Variants in IFT52 observed in about 807,000 individuals in gnomAD.
IFT52 encodes the protein intraflagellar transport protein 52 homolog.
A neutral mutation model predicts 54.4 loss-of-function variants in IFT52; 44 were observed. The ratio of observed to expected loss-of-function variants is 0.81; its 90% CI spans 0.63 to 1.04. The LOEUF (loss-of-function observed/expected upper bound fraction) is 1.04. Ranked by LOEUF, IFT52 falls within the 50% of genes least tolerant of loss-of-function variation. The pLI is 0.00. For missense variants in IFT52, 452 were observed against 523.6 expected, an observed-to-expected ratio of 0.86 and a Z score of 1.33; for synonymous variants, 181 against 185.3, an observed-to-expected ratio of 0.98 and a Z score of 0.19.
rs180969353 is a variant in IFT52, at chr20:43,642,146, A to G, written c.1121-333A>G. Reference sequence around the variant, plus strand: ...TTTTTAATTACCCATATGCTTCTCTATAGTCATCTTTGTTGCATTCAGGGA... The same window carrying G: ...TTTTTAATTACCCATATGCTTCTCTGTAGTCATCTTTGTTGCATTCAGGGA... On this transcript the variant is annotated intron_variant, in intron 12 of 13. Coordinates refer to ENST00000373030, the MANE Select transcript of IFT52 (RefSeq NM_016004.5). 3.8e-5 allele frequency: 8 copies of G among 212,100 alleles called. No homozygotes were observed. The East Asian group carries it at 4.7e-4, about 13-fold the overall frequency. The allele number at this position is 212,100 out of a possible 1,614,324, so 13.1% of individuals were successfully genotyped here.
chr20:43,604,035 C>A, intron 4 of IFT52, 146 bp downstream of exon 4: 1 of 919,070 alleles, frequency 1.1e-6, no homozygotes, highest in Non-Finnish European at 1.7e-6. Context: ...GCAGTCTGAG[C>A]CTCCTAGGCT....
intron 6 of IFT52, among the ~76,000 whole-genome samples, chr20:43,609,842 G>A (rs1173273431): frequency 2.0e-5 from 3 of 149,978 alleles, no homozygotes; most frequent in Non-Finnish European, 4.4e-5. Context: ...CCAGCTACTC[G>A]GGAGGCTGAG....
At chr20:43,627,277 C>A (rs1277164112) in intron 10 of IFT52, among the ~76,000 whole-genome samples, 1 of 152,054 alleles carries the variant, frequency 6.6e-6, no homozygotes, top group Non-Finnish European at 1.5e-5. Context: ...GAGAGCCAAG[C>A]AAAGAAAGTC....
intron 6 of IFT52, among the ~76,000 whole-genome samples, chr20:43,610,996 C>G (rs373962097): frequency 6.6e-6 from 1 of 152,136 alleles, no homozygotes; most frequent in East Asian, 1.9e-4. Flanking sequence ...TGTGAAAGTG[C>G]TTTGTAAAGT....
chr20:43,637,411 C>T (rs1199269740), intron 12 of IFT52, among the ~76,000 whole-genome samples, 158 bp downstream of exon 12: 5 of 151,066 alleles, frequency 3.3e-5, no homozygotes, highest in Non-Finnish European at 7.4e-5. Context: ...TACAGGCATG[C>T]GCCACCACGC....
At chr20:43,600,933 T>A (rs2145593076) in intron 3 of IFT52, among the ~76,000 whole-genome samples, 1 of 152,270 alleles carries the variant, frequency 6.6e-6, no homozygotes, top group East Asian at 1.9e-4. Context: ...ATCGAGCCAC[T>A]GCAGCATGGG....
chr20:43,599,242 A>G (rs1241273835), intron 3 of IFT52, among the ~76,000 whole-genome samples: 6 of 152,214 alleles, frequency 3.9e-5, no homozygotes, highest in East Asian at 1.9e-4. Context: ...AGCGAAGCCA[A>G]TGAGAGAGTT....
intron 10 of IFT52, among the ~76,000 whole-genome samples, chr20:43,626,131 A>C (rs1292481131): frequency 6.6e-6 from 1 of 151,920 alleles, no homozygotes; most frequent in Non-Finnish European, 1.5e-5. Context: ...TTGAGATGTC[A>C]ATTAGGTATC....
chr20:43,640,347 C>A (rs1985831311), intron 12 of IFT52, among the ~76,000 whole-genome samples: 1 of 152,112 alleles, frequency 6.6e-6, no homozygotes, highest in Admixed American at 6.6e-5. Flanking sequence ...GTAATCCCAG[C>A]TGCTTGGGAG....
At chr20:43,620,957 G>T in intron 9 of IFT52, 32 bp downstream of exon 9, 1 of 1,499,060 alleles carries the variant, frequency 6.7e-7, no homozygotes. Context: ...ACTTTTAAAT[G>T]AAAAATGAGT....
At chr20:43,606,235 A>G (rs558156067) in intron 6 of IFT52, among the ~76,000 whole-genome samples, 2 of 149,760 alleles carry the variant, frequency 1.3e-5, no homozygotes, top group Non-Finnish European at 3.0e-5. Context: ...AAAAAAAATT[A>G]TATTTGTCAT....
In IFT52 at chr20:43,591,060, G is replaced by C. The variant is rs1007450492; in HGVS notation, c.-7+6G>C. 6.6e-5 allele frequency: 10 copies of C among 152,472 alleles called. No individual in the cohort carries two copies. The highest frequency in any genetic ancestry group is 5.2e-4 in the Admixed American group (8 of 15,294). The allele number at this position is 152,472 out of a possible 1,614,324, so 9.4% of individuals were successfully genotyped here. On this transcript the variant is annotated splice_donor_region_variant and intron_variant, in intron 1 of 13. Coordinates refer to ENST00000373030, the MANE Select transcript of IFT52 (RefSeq NM_016004.5). The stretch of plus-strand genomic sequence containing the variant: ...CGGTGGTCGCTGGGCCTCAGGTAAA[G>C]GGCGCCAACAGTGGTGGGCCGGCTG...
intron 7 of IFT52, among the ~76,000 whole-genome samples, chr20:43,614,501 C>T (rs369495202): frequency 3.3e-5 from 5 of 151,844 alleles, no homozygotes; most frequent in African/African-American, 1.2e-4. Context: ...CTTGGCCTCC[C>T]GAAGTGCTGT....
intron 10 of IFT52, among the ~76,000 whole-genome samples, chr20:43,626,001 CAG>C (rs1201004275): frequency 2.8e-5 from 3 of 106,982 alleles, no homozygotes; most frequent in African/African-American, 1.1e-4. Flanking sequence ...GCCTGGTCAA[CAG>C]AGAGAGATCT....
In IFT52 at chr20:43,594,818, G is replaced by A. The variant is rs1981807902; in HGVS notation, c.119+1G>A. 1.4e-6 allele frequency: 2 copies of A among 1,424,494 alleles called. No individual in the cohort carries two copies. The highest frequency in any genetic ancestry group is 2.0e-6 in the Non-Finnish European group (2 of 1,007,326). The allele number at this position is 1,424,494 out of a possible 1,614,324, so 88.2% of individuals were successfully genotyped here. On this transcript the variant is annotated splice_donor_variant, in intron 2 of 13. Coordinates refer to ENST00000373030, the MANE Select transcript of IFT52 (RefSeq NM_016004.5). LOFTEE classifies it high-confidence loss of function. ...TTCGGAGTAATTGGAAGATTCAGAG[G>A]TGACTGACCATGTATATTGTTTTCC...
chr20:43,602,985 T>C lies in IFT52; in HGVS notation c.208-775T>C, dbSNP rs190629519. ...AAACATTTCCTTTTTGGGAGTTGTT[T>C]TGAATTATAAAGTACATATTTTATA... On this transcript the variant is annotated intron_variant, in intron 3 of 13. Coordinates refer to ENST00000373030, the MANE Select transcript of IFT52 (RefSeq NM_016004.5). Among the ~76,000 whole-genome samples, 125 of 152,354 alleles carry C rather than the reference T, an allele frequency of 8.2e-4. 1 individual carries two copies. The highest frequency in any genetic ancestry group is 2.8e-3 in the African/African-American group (116 of 41,588).
At position 43,646,917 on chromosome 20, in the gene IFT52, G is replaced by C. The variant is rs755037819; in HGVS notation, c.1267-19G>C. 3.1e-5 allele frequency: 50 copies of C among 1,606,680 alleles called. No homozygotes were observed. The South Asian group carries it at 4.8e-4, about 16-fold the overall frequency. ...TTATACTGAAATACTAAAATTCTGT[G>C]TCTTATTCTCTCATCCAGGAACATG... On this transcript the variant is annotated intron_variant, in intron 13 of 13. Coordinates refer to ENST00000373030, the MANE Select transcript of IFT52 (RefSeq NM_016004.5).
chr20:43,627,977 A>G (rs144460771), intron 10 of IFT52, among the ~76,000 whole-genome samples: 3,786 of 120,120 alleles, frequency 0.032, 63 homozygotes, highest in Middle Eastern at 0.062. Context: ...CCCAGGCTGG[A>G]GTGCAGAGGC....
chr20:43,646,322 T>C (rs1986197187), intron 13 of IFT52, among the ~76,000 whole-genome samples: 1 of 151,980 alleles, frequency 6.6e-6, no homozygotes. Context: ...AGATGCTGAG[T>C]GGAAAGACCA....
Sources: allele counts gnomAD v4.1 joint callset (sites outside exome capture counted in the v4.1 genomes callset), GRCh38; gene constraint gnomAD v4.1.1; transcripts MANE v1.5; gene names NCBI Gene and HGNC (gene_info 2026-07-23, HGNC 2026-07-21).